CCDC141: variants seen among roughly 807,000 people sequenced by gnomAD.
CCDC141 encodes coiled-coil domain containing 141, also known as coiled-coil domain-containing protein 141.
A neutral mutation model predicts 181.0 loss-of-function variants in CCDC141; 168 were observed. The observed-to-expected ratio is 0.93, with a 90% CI of 0.82 to 1.05. The LOEUF is 1.05. Among genes scored for constraint, CCDC141 ranks in the 50% least tolerant of loss-of-function variants. The pLI, the probability that CCDC141 is intolerant of heterozygous loss-of-function variation, is 0.00. For missense variants in CCDC141, 1,902 were observed against 1,788.5 expected, an observed-to-expected ratio of 1.06 and a Z score of -1.14; for synonymous variants, 666 against 642.3, an observed-to-expected ratio of 1.04 and a Z score of -0.56.
intron 6 of CCDC141, among the ~76,000 whole-genome samples, chr2:178,933,237 T>C (rs1161252270): frequency 2.6e-5 from 4 of 152,190 alleles, no homozygotes; most frequent in African/African-American, 4.8e-5. Context: ...TAAAAATTAT[T>C]ATTAATCAAG....
chr2:179,036,912 G>C (rs935863501), intron 2 of CCDC141, among the ~76,000 whole-genome samples: 2 of 152,242 alleles, frequency 1.3e-5, no homozygotes, highest in Non-Finnish European at 2.9e-5. Flanking sequence ...ATAGAAATCA[G>C]GGTGAGGGAA....
chr2:178,940,215 G>A (rs146970973), intron 6 of CCDC141, among the ~76,000 whole-genome samples: 2,033 of 144,246 alleles, frequency 0.014, 19 homozygotes, highest in Non-Finnish European at 0.023. Context: ...TCAGAGATTA[G>A]GAAAGAATAA....
chr2:179,046,601 A>T (rs1256924057), intron 2 of CCDC141, among the ~76,000 whole-genome samples: 1 of 152,238 alleles, frequency 6.6e-6, no homozygotes, highest in Non-Finnish European at 1.5e-5. Context: ...AAGGAGCCAG[A>T]CATTAAGTAG....
At chr2:178,954,564 T>C (rs1181997093) in intron 5 of CCDC141, among the ~76,000 whole-genome samples, 1 of 152,222 alleles carries the variant, frequency 6.6e-6, no homozygotes, top group African/African-American at 2.4e-5. Flanking sequence ...TGAACTATTT[T>C]AGTTCAAAAG....
chr2:178,925,093 T>G (rs1057450860), intron 6 of CCDC141, among the ~76,000 whole-genome samples: 2 of 152,216 alleles, frequency 1.3e-5, no homozygotes. Flanking sequence ...CCTCCTAAAA[T>G]GTGGGATACT....
In CCDC141 at chr2:178,979,652, C is replaced by A. The variant is rs143674882; in HGVS notation, c.226-977G>T. 2.6e-5 allele frequency among the ~76,000 whole-genome samples: 4 copies of A among 152,220 alleles called. No homozygotes were observed. The East Asian group carries it at 7.7e-4, about 29-fold the overall frequency. ...AGAGATGAGCTATATCAGGCAAAGA[C>A]AGACAAGAGAAAGCAGGACTATAAT... On this transcript the variant is annotated intron_variant, in intron 2 of 23. Coordinates refer to ENST00000443758, the MANE Select transcript of CCDC141 (RefSeq NM_173648.4).
intron 11 of CCDC141, among the ~76,000 whole-genome samples, chr2:178,882,817 T>A (rs1433449082): frequency 6.6e-6 from 1 of 151,850 alleles, no homozygotes; most frequent in Non-Finnish European, 1.5e-5. Context: ...GAGTATTGGA[T>A]TGATCTCGTA....
At chr2:178,962,979 G>A (rs1690472553) in intron 4 of CCDC141, among the ~76,000 whole-genome samples, 2 of 152,128 alleles carry the variant, frequency 1.3e-5, no homozygotes, top group Admixed American at 6.6e-5. Context: ...CAAATCAGAT[G>A]GGATCAAATA....
At chr2:178,983,456 C>T (rs1029398102) in intron 2 of CCDC141, among the ~76,000 whole-genome samples, 2 of 152,128 alleles carry the variant, frequency 1.3e-5, no homozygotes, top group Non-Finnish European at 2.9e-5. Context: ...TGGAACAAAG[C>T]TGGATGGAGA....
At chr2:178,993,838 A>G (rs1692164824) in intron 2 of CCDC141, among the ~76,000 whole-genome samples, 1 of 152,204 alleles carries the variant, frequency 6.6e-6, no homozygotes, top group Non-Finnish European at 1.5e-5. Flanking sequence ...AAATTGGCCA[A>G]AATAAAGGGG....
intron 2 of CCDC141, among the ~76,000 whole-genome samples, chr2:179,032,311 C>G (rs1442010827): frequency 1.3e-5 from 2 of 152,180 alleles, no homozygotes; most frequent in Non-Finnish European, 2.9e-5. Context: ...GAGGTTTAGG[C>G]ATCTGCCTGG....
intron 22 of CCDC141, among the ~76,000 whole-genome samples, chr2:178,843,301 C>A (rs1389582270): frequency 6.6e-6 from 1 of 152,162 alleles, no homozygotes; most frequent in African/African-American, 2.4e-5. Context: ...GCCTCAGTTT[C>A]CTCAACTGTA....
At chr2:179,012,959 C>T (rs1243567115) in intron 2 of CCDC141, among the ~76,000 whole-genome samples, 1 of 152,108 alleles carries the variant, frequency 6.6e-6, no homozygotes, top group Non-Finnish European at 1.5e-5. Flanking sequence ...ATACAAGGGA[C>T]ATACCTTAAT....
At chr2:179,013,417 A>T (rs2042328617) in intron 2 of CCDC141, among the ~76,000 whole-genome samples, 1 of 152,182 alleles carries the variant, frequency 6.6e-6, no homozygotes, top group Non-Finnish European at 1.5e-5. Flanking sequence ...AGGAGTCAAA[A>T]GACCACTACA....
intron 1 of CCDC141, among the ~76,000 whole-genome samples, 180 bp downstream of exon 1, chr2:179,049,660 G>A (rs2043615003): frequency 6.7e-6 from 1 of 149,704 alleles, no homozygotes; most frequent in African/African-American, 2.5e-5. Flanking sequence ...GAGAATCTCT[G>A]GTAACTGCTG....
At position 179,010,960 on chromosome 2, in the gene CCDC141, C is replaced by T. The variant is rs150676704; in HGVS notation, c.226-32285G>A. 5.7e-3 allele frequency among the ~76,000 whole-genome samples: 865 copies of T among 152,094 alleles called. 10 individuals carry two copies. The highest frequency in any genetic ancestry group is 0.014 in the South Asian group (67 of 4,798). On this transcript the variant is annotated intron_variant, in intron 2 of 23. Transcript: ENST00000443758. ...GATCACAAGGTCAGGAGTTCAAGAC[C>T]AGCCTGGCCAACATGGTGAAACCCT...
At chr2:178,817,417 C>T in the CCDC141 span, 1 of 451,800 alleles carries the variant, frequency 2.2e-6, no homozygotes, top group Non-Finnish European at 4.5e-6. Context: ...GAAGTACTTC[C>T]TAGAATCAGA....
In CCDC141 at chr2:178,837,538, A is replaced by C; in HGVS notation, c.3681T>G (p.Leu1227=). ...PPLPGSPESP[L]APSDMEVEEP... is the part of the protein sequence containing the mutation. ...CTTCCACCTCCATGTCAGATGGTGC[A>C]AGAGGGGACTCAGGGCTTCCTGGGA... The change falls in exon 23 of 24, where the codon CTT becomes CTG. Residue 1227 remains leucine, a synonymous_variant. Coordinates refer to ENST00000443758, the MANE Select transcript of CCDC141 (RefSeq NM_173648.4). 2 of 1,613,926 alleles carry C rather than the reference A, an allele frequency of 1.2e-6. No homozygotes were observed. The highest frequency in any genetic ancestry group is 1.7e-6 in the Non-Finnish European group (2 of 1,179,930).
chr2:179,042,178 C>T (rs1431171557), intron 2 of CCDC141, among the ~76,000 whole-genome samples: 1 of 152,130 alleles, frequency 6.6e-6, no homozygotes, highest in Non-Finnish European at 1.5e-5. Context: ...TAAAACACTC[C>T]TCAGCCAATG....
Sources: gnomAD v4.1 joint callset for allele counts (sites outside exome capture counted in the v4.1 genomes callset) on GRCh38, gnomAD v4.1.1 for gene constraint, MANE v1.5 for transcripts, NCBI Gene and HGNC (gene_info 2026-07-23, HGNC 2026-07-21) for gene names.